The following MCM5 variants were observed in gnomAD, a reference collection of about 807,000 sequenced individuals.
MCM5 encodes the protein DNA replication licensing factor MCM5.
Under a neutral mutation model 79.9 loss-of-function variants are expected in MCM5, and 46 were observed. That is an observed-to-expected ratio of 0.58 (90% CI 0.45 to 0.74). MCM5 has a LOEUF of 0.74. Ranked by LOEUF, MCM5 falls within the 30% of genes least tolerant of loss-of-function variation. The probability of loss-of-function intolerance (pLI) is 0.00; values close to 1 mark genes in which losing one functional copy is unlikely to be tolerated. For missense variants in MCM5, 883 were observed against 1,017.0 expected (o/e 0.87, Z 1.79); for synonymous variants, 404 against 390.5 (o/e 1.03, Z -0.41).
In MCM5 at chr22:35,424,702, A is replaced by G. The variant is rs1013905728; in HGVS notation, c.*447A>G. On this transcript the variant is annotated 3_prime_UTR_variant, in exon 17 of 17. Coordinates refer to ENST00000216122, the MANE Select transcript of MCM5 (RefSeq NM_006739.4). The stretch of plus-strand genomic sequence containing the variant: ...CGGGGCTCATAAAGCCACTCCCTTG[A>G]TGCTGGGAATCCAGTGAGACCAGGG... 1 of 153,760 alleles carries G rather than the reference A, an allele frequency of 6.5e-6. No homozygotes were observed. The highest frequency in any genetic ancestry group is 1.4e-5 in the Non-Finnish European group (1 of 69,132). The allele number at this position is 153,760 out of a possible 1,614,324, so 9.5% of individuals were successfully genotyped here.
rs1325892102 is a variant in MCM5 at position 35,424,192 on chromosome 22, C to CA, written c.2143dup (p.Met715AsnfsTer44). 3 of 1,553,218 alleles carry CA rather than the reference C, an allele frequency of 1.9e-6. No individual in the cohort carries two copies. Among genetic ancestry groups the CA allele is most frequent in the Non-Finnish European group, 2.6e-6 (3 of 1,147,880 alleles). ...ACGCCATCCACAAGGTGCTGCAGCT[C>CA]ATGCTGCGGCGCGGCGAGATCCAGC... On this transcript the variant is annotated frameshift_variant, in exon 17 of 17. Transcript: ENST00000216122. LOFTEE classifies it high-confidence loss of function.
downstream of MCM5, among the ~76,000 whole-genome samples, chr22:35,426,425 AGG>A (rs1236238692): frequency 6.6e-6 from 1 of 152,004 alleles, no homozygotes; most frequent in Admixed American, 6.5e-5. Context: ...AGGTGGGGCA[AGG>A]GGGGGAGCTG....
At position 35,406,710 on chromosome 22, in the gene MCM5, C is replaced by T. The variant is rs1047324778; in HGVS notation, c.581C>T (p.Pro194Leu). 2 of 1,608,072 alleles carry T rather than the reference C, an allele frequency of 1.2e-6. No individual in the cohort carries two copies. Among genetic ancestry groups the T allele is most frequent in the Admixed American group, 3.3e-5 (2 of 60,014 alleles). The change falls in exon 5 of 17, where the codon CCC becomes CTC. Residue 194 changes from proline to leucine, a missense_variant. Pro to Leu is a moderately conservative substitution (Grantham distance 98, BLOSUM62 -3). This residue lies in a region of MCM5 where 455 missense variants were observed against 517.5 expected (regional missense o/e 0.88). Transcript: ENST00000216122. ...CCTGGCCTCGAGGGCTATGCCCTGCCCAGGAAGTGCAACACGTGAGTCTGT... is the reference window on the plus strand; with the variant it reads ...CCTGGCCTCGAGGGCTATGCCCTGCTCAGGAAGTGCAACACGTGAGTCTGT... The part of the protein sequence containing the change: ...MRPGLEGYAL[P>L]RKCNTDQAGR...
chr22:35,446,158 A>G, the MCM5 span, among the ~76,000 whole-genome samples: 1 of 152,230 alleles, frequency 6.6e-6, no homozygotes. Context: ...ATAATGATGG[A>G]TGAGGCTCTG....
chr22:35,438,473 A>ATC, the MCM5 span, among the ~76,000 whole-genome samples: 1 of 37,264 alleles, frequency 2.7e-5, no homozygotes, highest in African/African-American at 6.9e-5. Flanking sequence ...CCATCCATCC[A>ATC]CATATCCATC....
chr22:35,415,638 A>G (rs4645792), intron 9 of MCM5, among the ~76,000 whole-genome samples, 191 bp from the exon 10 acceptor site: 5,571 of 152,342 alleles, frequency 0.037, 118 homozygotes, highest in Non-Finnish European at 0.048. Flanking sequence ...ATCTGGGCAC[A>G]CCGAGGCCCA....
At chr22:35,452,709 A>T in the MCM5 span, among the ~76,000 whole-genome samples, 1 of 152,134 alleles carries the variant, frequency 6.6e-6, no homozygotes, top group African/African-American at 2.4e-5. Context: ...AGTTTGTGTT[A>T]AATAATCAGT....
At position 35,413,992 on chromosome 22, in the gene MCM5, T is replaced by C. The variant is rs1280803068; in HGVS notation, c.1203+6T>C. On this transcript the variant is annotated splice_donor_region_variant and intron_variant, in intron 9 of 16. Transcript: ENST00000216122. Reference sequence around the variant, plus strand: ...AGAAGTGTTCTCCCATTGGGGTGAGTGGCCTGGGATACCTTTGCCACCTTG... The same window carrying C: ...AGAAGTGTTCTCCCATTGGGGTGAGCGGCCTGGGATACCTTTGCCACCTTG... 6 of 1,599,362 alleles carry C rather than the reference T, an allele frequency of 3.8e-6. No individual in the cohort carries two copies. The highest frequency in any genetic ancestry group is 1.3e-5 in the African/African-American group (1 of 74,686).
intron 9 of MCM5, among the ~76,000 whole-genome samples, chr22:35,414,751 G>A (rs1237172680): frequency 2.0e-5 from 3 of 152,164 alleles, no homozygotes; most frequent in Non-Finnish European, 2.9e-5. Context: ...CCCTGTGTTA[G>A]GGGTGAGAAA....
the MCM5 span, among the ~76,000 whole-genome samples, chr22:35,441,887 T>A: frequency 6.6e-6 from 1 of 152,168 alleles, no homozygotes; most frequent in East Asian, 1.9e-4. Context: ...TAGAACTGCC[T>A]AAAGGAGATC....
At chr22:35,453,819 T>TATAGAGAGAGAGAGAGAG in the MCM5 span, among the ~76,000 whole-genome samples, 3 of 81,548 alleles carry the variant, frequency 3.7e-5, no homozygotes, top group East Asian at 3.4e-4. Context: ...TATATATATA[T>TATAGAGAGAGAGAGAGAG]AGAGAGAGAG....
downstream of MCM5, among the ~76,000 whole-genome samples, chr22:35,426,982 C>G (rs5999826): frequency 0.022 from 3,324 of 152,348 alleles, 116 homozygotes; most frequent in African/African-American, 0.069. Flanking sequence ...GTTTCTCTCT[C>G]TGTTCACAGA....
chr22:35,400,423 C>A lies in MCM5; in HGVS notation c.-8-8C>A, dbSNP rs1018392426. The stretch of plus-strand genomic sequence containing the variant: ...CCAGCCTGTTCTGGCCGTTTGTTCC[C>A]ACCCCAGGCGCAGTCATGTCGGGAT... On this transcript the variant is annotated splice_polypyrimidine_tract_variant and splice_region_variant and intron_variant, in intron 1 of 16. Transcript: ENST00000216122. 2 of 1,614,002 alleles carry A rather than the reference C, an allele frequency of 1.2e-6. No individual in the cohort carries two copies. The highest frequency in any genetic ancestry group is 1.7e-6 in the Non-Finnish European group (2 of 1,179,932).
chr22:35,411,247 G>A (rs530926377), intron 7 of MCM5: 19 of 189,140 alleles, frequency 1.0e-4, no homozygotes, highest in African/African-American at 3.7e-4. Flanking sequence ...GCCGCCTAGT[G>A]TCTAGTTGGA....
chr22:35,408,580 G>T lies in MCM5; in HGVS notation c.752+17G>T. ...CTGCGACAGGTGAGGCAGACGGGCT[G>T]GGAGGTGGGCATCTACGACGGTGGA... On this transcript the variant is annotated intron_variant, in intron 6 of 16. Coordinates refer to ENST00000216122, the MANE Select transcript of MCM5 (RefSeq NM_006739.4). 6.3e-7 allele frequency: 1 copy of T among 1,598,054 alleles called. No homozygotes were observed. Among genetic ancestry groups the T allele is most frequent in the African/African-American group, 1.3e-5 (1 of 74,838 alleles).
Position 35,412,630 on chromosome 22 carries a change from C to CAG in MCM5, c.1042_1043dup (p.Asp348GlufsTer3). ...ATCGCCCCCTCCATCTTTGGGGGCA[C>CAG]AGACATGAAGAAGGCCATTGCCTGC... On this transcript the variant is annotated frameshift_variant, in exon 8 of 17. Coordinates refer to ENST00000216122, the MANE Select transcript of MCM5 (RefSeq NM_006739.4). LOFTEE classifies it high-confidence loss of function. 6.4e-7 allele frequency: 1 copy of CAG among 1,563,878 alleles called. No homozygotes were observed. Among genetic ancestry groups the CAG allele is most frequent in the African/African-American group, 1.4e-5 (1 of 73,000 alleles).
chr22:35,436,701 C>T, the MCM5 span, among the ~76,000 whole-genome samples: 1 of 152,244 alleles, frequency 6.6e-6, no homozygotes. Flanking sequence ...TTCCCATGTC[C>T]AAACCCATTG....
chr22:35,450,460 A>G, the MCM5 span, among the ~76,000 whole-genome samples: 19 of 152,128 alleles, frequency 1.2e-4, no homozygotes, highest in Non-Finnish European at 2.5e-4. Context: ...GACAGACTCC[A>G]GGGGAGGAAG....
the MCM5 span, among the ~76,000 whole-genome samples, chr22:35,448,938 G>T: frequency 6.6e-6 from 1 of 152,158 alleles, no homozygotes; most frequent in Non-Finnish European, 1.5e-5. Context: ...GTAATGCCCA[G>T]CACTGGGACA....
Sources: allele counts gnomAD v4.1 joint callset (sites outside exome capture counted in the v4.1 genomes callset), GRCh38; gene constraint gnomAD v4.1.1; regional missense constraint gnomAD v4.1.1; transcripts MANE v1.5; gene names NCBI Gene and HGNC (gene_info 2026-07-23, HGNC 2026-07-21).